TMEM74: variants seen among roughly 807,000 people sequenced by gnomAD.
TMEM74 encodes the protein transmembrane protein 74.
Under a neutral mutation model 18.1 loss-of-function variants are expected in TMEM74, and 13 were observed. That is an observed-to-expected ratio of 0.72 (90% confidence interval 0.47 to 1.14). The LOEUF is 1.14. TMEM74 is among the 50% of genes most tolerant of loss of function. The probability of loss-of-function intolerance (pLI) is 0.00; values close to 1 mark genes in which losing one functional copy is unlikely to be tolerated. For missense variants in TMEM74, 372 were observed against 375.9 expected (o/e 0.99, Z 0.09); for synonymous variants, 159 against 146.6 (o/e 1.08, Z -0.61).
At chr8:108,731,502 G>T (rs1243745304) in intron 1 of TMEM74, among the ~76,000 whole-genome samples, 1 of 152,084 alleles carries the variant, frequency 6.6e-6, no homozygotes, top group East Asian at 1.9e-4. Flanking sequence ...GATAAGGATG[G>T]CACTGAGTTT....
intron 2 of TMEM74, among the ~76,000 whole-genome samples, chr8:108,624,617 T>A (rs1414121893): frequency 6.6e-6 from 1 of 152,092 alleles, no homozygotes; most frequent in African/African-American, 2.4e-5. Flanking sequence ...ATTTTAAACA[T>A]TTCAACAGTA....
intron 2 of TMEM74, among the ~76,000 whole-genome samples, chr8:108,612,398 T>C (rs1421336979): frequency 4.6e-5 from 7 of 152,198 alleles, no homozygotes; most frequent in South Asian, 2.1e-4. Flanking sequence ...TGGTGATTAT[T>C]TGATAACCAA....
At chr8:108,749,438 T>G (rs1813883235) in intron 1 of TMEM74, among the ~76,000 whole-genome samples, 1 of 152,180 alleles carries the variant, frequency 6.6e-6, no homozygotes, top group African/African-American at 2.4e-5. Flanking sequence ...CATACATGAT[T>G]TGGCTCTTGC....
intron 1 of TMEM74, among the ~76,000 whole-genome samples, chr8:108,715,588 A>G (rs1249645729): frequency 6.6e-6 from 1 of 152,156 alleles, no homozygotes; most frequent in Non-Finnish European, 1.5e-5. Context: ...TCATGTAATA[A>G]TGAGAGGAAT....
At chr8:108,714,537 G>A (rs1563533268) in intron 1 of TMEM74, among the ~76,000 whole-genome samples, 1 of 152,222 alleles carries the variant, frequency 6.6e-6, no homozygotes, top group Non-Finnish European at 1.5e-5. Context: ...TGTCTCAGAT[G>A]TTGGCGAGGC....
intron 1 of TMEM74, among the ~76,000 whole-genome samples, chr8:108,772,311 T>C (rs1473025429): frequency 6.6e-6 from 1 of 152,154 alleles, no homozygotes; most frequent in African/African-American, 2.4e-5. Context: ...GTGTTGGCAT[T>C]GGGGCCCAAC....
intron 1 of TMEM74, among the ~76,000 whole-genome samples, chr8:108,765,323 C>G (rs1400631520): frequency 6.6e-6 from 1 of 151,260 alleles, no homozygotes; most frequent in Non-Finnish European, 1.5e-5. Context: ...AGGCTTCCAT[C>G]ATCCTGGACT....
chr8:108,611,090 T>C (rs990237379), intron 2 of TMEM74, among the ~76,000 whole-genome samples: 1 of 152,206 alleles, frequency 6.6e-6, no homozygotes, highest in Admixed American at 6.5e-5. Context: ...GAACAACTAT[T>C]ATCCAGAGCA....
Position 108,729,708 on chromosome 8 carries a change from C to G in TMEM74, n.119+57768G>C, listed in dbSNP as rs377308375. On this transcript the variant is annotated intron_variant and non_coding_transcript_variant, in intron 1 of 3. Coordinates refer to the TMEM74 transcript ENST00000518838. ...TTCCTAAATATCATTCATTTTCTTCCCTTTCCATTTCATTTCATCCCATTC... is the reference window on the plus strand; with the variant it reads ...TTCCTAAATATCATTCATTTTCTTCGCTTTCCATTTCATTTCATCCCATTC... Among the ~76,000 whole-genome samples, 65 of 152,248 alleles carry G rather than the reference C, an allele frequency of 4.3e-4. 2 individuals are homozygous for G. In the East Asian group the frequency reaches 6.4e-3, roughly 15 times the overall value.
intron 2 of TMEM74, among the ~76,000 whole-genome samples, chr8:108,620,404 G>A (rs1277404965): frequency 6.6e-6 from 1 of 152,162 alleles, no homozygotes; most frequent in Non-Finnish European, 1.5e-5. Context: ...CCGTGGGGTG[G>A]AGGGTTGTAA....
At chr8:108,708,388 T>C (rs1007565633) in intron 1 of TMEM74, among the ~76,000 whole-genome samples, 10 of 152,094 alleles carry the variant, frequency 6.6e-5, no homozygotes, top group African/African-American at 2.4e-4. Context: ...TATAGTCCTT[T>C]GGGTATATAT....
chr8:108,731,859 G>A (rs1166323408), intron 1 of TMEM74, among the ~76,000 whole-genome samples: 2 of 147,748 alleles, frequency 1.4e-5, no homozygotes, highest in Non-Finnish European at 3.0e-5. Flanking sequence ...TTCACAAAAG[G>A]ATCTATAGCT....
intron 1 of TMEM74, among the ~76,000 whole-genome samples, chr8:108,690,011 G>A (rs1813209136): frequency 6.6e-6 from 1 of 152,078 alleles, no homozygotes; most frequent in African/African-American, 2.4e-5. Flanking sequence ...TTATATGTCT[G>A]TGTCTTTTAT....
intron 1 of TMEM74, among the ~76,000 whole-genome samples, chr8:108,657,855 AAAAAATATATATATATATATATAT>A (rs1181451325): frequency 1.7e-5 from 1 of 60,136 alleles, no homozygotes; most frequent in Non-Finnish European, 2.9e-5. Context: ...AAAAAAAAAA[AAAAAATATATATATATATATATAT>A]ATATATATAT....
At chr8:108,614,450 A>G (rs1812364280) in intron 2 of TMEM74, among the ~76,000 whole-genome samples, 1 of 152,232 alleles carries the variant, frequency 6.6e-6, no homozygotes, top group Non-Finnish European at 1.5e-5. Flanking sequence ...GAATAGAAAC[A>G]AGACTCGCAA....
rs779292187 is a variant in TMEM74 at position 108,784,903 on chromosome 8, A to G, written c.196T>C (p.Ser66Pro). Reference protein sequence around the residue: ...EGSKLSSSPASPSSSLQNSTL... With the variant: ...EGSKLSSSPAPPSSSLQNSTL... ...CTGTTTTGCAGAGAGGAGGAGGGGG[A>G]TGCTGGAGAAGAACTAAGTTTAGAC... Residue 66 changes from serine to proline, a missense_variant, in exon 2 of 2, where the codon TCC becomes CCC. By Grantham distance (74) the Ser-to-Pro change is moderately conservative (BLOSUM62 -1). Transcript: ENST00000297459. The G allele has an allele frequency of 6.2e-7, 1 of 1,614,046 alleles. No individual in the cohort carries two copies. The highest frequency in any genetic ancestry group is 8.5e-7 in the Non-Finnish European group (1 of 1,180,006).
At chr8:108,760,675 G>T (rs1247840216) in intron 1 of TMEM74, among the ~76,000 whole-genome samples, 3 of 151,850 alleles carry the variant, frequency 2.0e-5, no homozygotes, top group African/African-American at 7.3e-5. Flanking sequence ...TTGTAGTCTG[G>T]CTGTAGCAAT....
At chr8:108,708,299 T>C (rs998320742) in intron 1 of TMEM74, among the ~76,000 whole-genome samples, 3 of 152,118 alleles carry the variant, frequency 2.0e-5, no homozygotes, top group East Asian at 1.9e-4. Context: ...GGCATTTAGG[T>C]TGATTCCATG....
At position 108,659,285 on chromosome 8, in the gene TMEM74, A is replaced by C. The variant is rs538368707; in HGVS notation, n.120-3848T>G. 1.6e-4 allele frequency among the ~76,000 whole-genome samples: 24 copies of C among 152,310 alleles called. No homozygotes were observed. The East Asian group carries it at 2.3e-3, about 15-fold the overall frequency. The stretch of plus-strand genomic sequence containing the variant: ...CACACACATACAGACACACATATGC[A>C]CTGGACACTTGGGTCCTTGTCTTAC... On this transcript the variant is annotated intron_variant and non_coding_transcript_variant, in intron 1 of 3. Coordinates refer to the TMEM74 transcript ENST00000518838.
Sources: gnomAD v4.1 joint callset for allele counts (sites outside exome capture counted in the v4.1 genomes callset) on GRCh38, gnomAD v4.1.1 for gene constraint, MANE v1.5 for transcripts, NCBI Gene and HGNC (gene_info 2026-07-23, HGNC 2026-07-21) for gene names.